Variants in CCDC80 observed in about 807,000 individuals in gnomAD.
The protein encoded by CCDC80 is coiled-coil domain containing 80, also known as coiled-coil domain-containing protein 80.
CCDC80 carries 49 observed loss-of-function variants against 78.7 expected under a neutral mutation model. That is an observed-to-expected ratio of 0.62 (90% CI 0.50 to 0.79). The LOEUF is 0.79. Among genes scored for constraint, CCDC80 ranks in the 30% least tolerant of loss-of-function variants. The probability of loss-of-function intolerance (pLI) is 0.00; values close to 1 mark genes in which losing one functional copy is unlikely to be tolerated. For missense variants in CCDC80, 1,205 were observed against 1,198.6 expected, an observed-to-expected ratio of 1.01 and a Z score of -0.08; for synonymous variants, 488 against 447.0, an observed-to-expected ratio of 1.09 and a Z score of -1.16.
rs753370087 is a variant in CCDC80, at chr3:112,638,926, C to G, written c.980G>C (p.Arg327Pro). 1.2e-6 allele frequency: 2 copies of G among 1,613,206 alleles called. No individual in the cohort carries two copies. Among genetic ancestry groups the G allele is most frequent in the Non-Finnish European group, 1.7e-6 (2 of 1,179,964 alleles). ...RAQVPPTRES[R>P]VKVLRKLAAT... ...GGCCAGTTTTCTCAGGACCTTCACC[C>G]GACTCTCTCTGGTTGGTGGGACTTG... The change falls in exon 2 of 8, where the codon CGG becomes CCG. Residue 327 changes from arginine to proline, a missense_variant. Arg to Pro is a moderately radical substitution (Grantham distance 103, BLOSUM62 -2). Coordinates refer to ENST00000206423, the MANE Select transcript of CCDC80 (RefSeq NM_199511.3).
chr3:112,610,347 A>T, intron 5 of CCDC80: 1 of 461,562 alleles, frequency 2.2e-6, no homozygotes, highest in Non-Finnish European at 4.0e-6. Flanking sequence ...ATGCCTAATG[A>T]GGTCACTTGG....
rs973043607 is a variant in CCDC80, at chr3:112,601,570, T to C, written c.*3847A>G. Reference sequence around the variant, plus strand: ...GGTGGAGCATGGCTGTGGTCCCAGCTAACTTGGGATGCTGAGGTGGGAGGA... The same window carrying C: ...GGTGGAGCATGGCTGTGGTCCCAGCCAACTTGGGATGCTGAGGTGGGAGGA... On this transcript the variant is annotated 3_prime_UTR_variant, in exon 8 of 8. Coordinates refer to ENST00000206423, the MANE Select transcript of CCDC80 (RefSeq NM_199511.3). 5.3e-5 allele frequency: 8 copies of C among 151,656 alleles called. No individual in the cohort carries two copies. Among genetic ancestry groups the C allele is most frequent in the African/African-American group, 1.7e-4 (7 of 41,114 alleles). 9.4% of individuals were successfully genotyped at this position (151,656 alleles called of 1,614,324 possible).
At chr3:112,622,912 G>A (rs1267437436) in intron 3 of CCDC80, among the ~76,000 whole-genome samples, 26 of 147,986 alleles carry the variant, frequency 1.8e-4, no homozygotes, top group African/African-American at 6.0e-4. Flanking sequence ...TTGACCTCAA[G>A]TGATTCACCC....
At chr3:112,632,838 C>T (rs1005596022) in intron 2 of CCDC80, among the ~76,000 whole-genome samples, 28 of 152,188 alleles carry the variant, frequency 1.8e-4, no homozygotes, top group African/African-American at 6.3e-4. Context: ...CGGCCCTCCA[C>T]GTTCTGGCCC....
In CCDC80 at chr3:112,605,499, T is replaced by A; in HGVS notation, c.2771A>T (p.His924Leu). The change falls in exon 8 of 8, where the codon CAT (histidine) becomes CTT (leucine). Residue 924 changes from histidine (H) to leucine (L), a missense_variant. By Grantham distance (99) the His-to-Leu change is moderately conservative. Coordinates refer to ENST00000206423, the MANE Select transcript of CCDC80 (RefSeq NM_199511.3). ...ATCCTGGTATCCTTGGTGGTAACTA[T>A]GGTAACCATAGCCTGCATACTCATC... ...PEDEYAGYGY[H>L]SYHQGYQDGY... is the part of the protein sequence containing the mutation. 6.2e-7 allele frequency: 1 copy of A among 1,614,180 alleles called. No individual in the cohort carries two copies. The highest frequency in any genetic ancestry group is 8.5e-7 in the Non-Finnish European group (1 of 1,180,030).
chr3:112,605,166 A>G lies in CCDC80; in HGVS notation c.*251T>C, dbSNP rs184395661. ...CATATAAGAAAAGGAAAATAATATC[A>G]ATTTTCAGTACTATTATTTAGCACT... On this transcript the variant is annotated 3_prime_UTR_variant, in exon 8 of 8. Coordinates refer to ENST00000206423, the MANE Select transcript of CCDC80 (RefSeq NM_199511.3). 2.8e-4 allele frequency: 95 copies of G among 341,640 alleles called. No individual in the cohort carries two copies. Among genetic ancestry groups the G allele is most frequent in the African/African-American group, 1.7e-3 (82 of 47,554 alleles). The allele number at this position is 341,640 out of a possible 1,614,324, so 21.2% of individuals were successfully genotyped here. A position where few individuals can be genotyped will look rare whatever the true frequency, so the allele number is the denominator to read the frequency against.
rs927574092 is a variant in CCDC80, at chr3:112,614,731, A to G, written c.2321+1979T>C. On this transcript the variant is annotated intron_variant, in intron 5 of 7. Transcript: ENST00000206423. ...TTTTAAGAGTATCTTCCTTTGCTTCAAATTCTAGGCCTTTAGGTTCAGAAC... is the reference window on the plus strand; with the variant it reads ...TTTTAAGAGTATCTTCCTTTGCTTCGAATTCTAGGCCTTTAGGTTCAGAAC... Among the ~76,000 whole-genome samples the G allele has an allele frequency of 3.3e-5, 5 of 152,176 alleles. No homozygotes were observed. In the East Asian group the frequency reaches 9.6e-4, roughly 29 times the overall value.
In CCDC80 at chr3:112,638,365, C is replaced by G. The variant is rs777714728; in HGVS notation, c.1541G>C (p.Arg514Pro). 7 of 1,613,954 alleles carry G rather than the reference C, an allele frequency of 4.3e-6. No individual in the cohort carries two copies. Among genetic ancestry groups the G allele is most frequent in the Non-Finnish European group, 8.5e-7 (1 of 1,180,034 alleles). The change falls in exon 2 of 8, where the codon CGG becomes CCG. Residue 514 changes from arginine (R) to proline (P), a missense_variant. Coordinates refer to ENST00000206423, the MANE Select transcript of CCDC80 (RefSeq NM_199511.3). ...NEYEEKYDLS[R>P]PTASQLEDEL... ...GTCCTCCAGCTGAGAGGCAGTAGGC[C>G]GGCTGAGGTCATACTTCTCCTCATA...
At chr3:112,624,561 T>C (rs1359526911) in intron 3 of CCDC80, among the ~76,000 whole-genome samples, 2 of 152,144 alleles carry the variant, frequency 1.3e-5, no homozygotes, top group Non-Finnish European at 2.9e-5. Flanking sequence ...ACTCTATGAG[T>C]GGGTCATTTT....
In CCDC80 at chr3:112,639,053, C is replaced by A; in HGVS notation, c.853G>T (p.Gly285Cys). 3 of 1,612,474 alleles carry A rather than the reference C, an allele frequency of 1.9e-6. No homozygotes were observed. The highest frequency in any genetic ancestry group is 2.5e-6 in the Non-Finnish European group (3 of 1,180,016). The change falls in exon 2 of 8, where the codon GGT becomes TGT. Residue 285 changes from glycine (G) to cysteine (C), a missense_variant. Gly to Cys is a radical substitution (Grantham distance 159). Coordinates refer to ENST00000206423, the MANE Select transcript of CCDC80 (RefSeq NM_199511.3). ...KGFVQKCKAS[G>C]VEGQVVAEGN... The stretch of plus-strand genomic sequence containing the variant: ...TCCGCCACCACCTGGCCCTCTACAC[C>A]AGAGGCCTTACATTTCTGGACAAAG...
chr3:112,605,192 A>T lies in CCDC80; in HGVS notation c.*225T>A. 2.3e-6 allele frequency: 1 copy of T among 435,008 alleles called. No individual in the cohort carries two copies. Among genetic ancestry groups the T allele is most frequent in the Non-Finnish European group, 4.0e-6 (1 of 248,282 alleles). The allele number at this position is 435,008 out of a possible 1,614,324, so 26.9% of individuals were successfully genotyped here. A position where few individuals can be genotyped will look rare whatever the true frequency, so the allele number is the denominator to read the frequency against. ...ATTTTCAGTACTATTATTTAGCACT[A>T]GAGCCCCTCCAGTTAGAAAAACAAT... On this transcript the variant is annotated 3_prime_UTR_variant, in exon 8 of 8. Transcript: ENST00000206423.
rs1935373120 is a variant in CCDC80 at position 112,601,485 on chromosome 3, T to C, written c.*3932A>G. ...GCTCATAAATATTACTTGACAATAT[T>C]ACTTGATAAATATTTGTTGAAAAAA... On this transcript the variant is annotated 3_prime_UTR_variant, in exon 8 of 8. Coordinates refer to ENST00000206423, the MANE Select transcript of CCDC80 (RefSeq NM_199511.3). The C allele has an allele frequency of 6.6e-6, 1 of 152,092 alleles. No individual in the cohort carries two copies. Among genetic ancestry groups the C allele is most frequent in the Non-Finnish European group, 1.5e-5 (1 of 68,026 alleles). The allele number at this position is 152,092 out of a possible 1,614,324, so 9.4% of individuals were successfully genotyped here. A position where few individuals can be genotyped will look rare whatever the true frequency, so the allele number is the denominator to read the frequency against.
chr3:112,639,735 C>T lies in CCDC80; in HGVS notation c.171G>A (p.Arg57=). Residue 57 remains arginine (R), a synonymous_variant, in exon 2 of 8, where the codon AGG becomes AGA. Coordinates refer to ENST00000206423, the MANE Select transcript of CCDC80 (RefSeq NM_199511.3). ...RPARFLRHTG[R]SRGIERSTLE... ...GAGTGGATCTCTCAATTCCGCGAGA[C>T]CTCCCAGTGTGCCTCAGAAACCGAG... 6.2e-7 allele frequency: 1 copy of T among 1,614,174 alleles called. No homozygotes were observed. The highest frequency in any genetic ancestry group is 8.5e-7 in the Non-Finnish European group (1 of 1,180,028).
intron 3 of CCDC80, among the ~76,000 whole-genome samples, chr3:112,626,863 A>T (rs1343997922): frequency 6.6e-6 from 1 of 152,186 alleles, no homozygotes; most frequent in Non-Finnish European, 1.5e-5. Flanking sequence ...TTCTCATTTT[A>T]AAAATTGACT....
chr3:112,627,476 A>G (rs187799788), intron 3 of CCDC80, among the ~76,000 whole-genome samples: 6 of 152,358 alleles, frequency 3.9e-5, no homozygotes, highest in Middle Eastern at 3.4e-3. Flanking sequence ...CCAGCTGGTG[A>G]GTACGGCCCA....
chr3:112,605,433 T>C lies in CCDC80; in HGVS notation c.2837A>G (p.His946Arg), dbSNP rs940880766. The C allele has an allele frequency of 1.9e-6, 3 of 1,612,726 alleles. No homozygotes were observed. The highest frequency in any genetic ancestry group is 2.7e-5 in the African/African-American group (2 of 74,922). ...TATTTCTGCTCAGTAAGGGTATCCA[T>C]GGTGATAACTCTCATGATGACGGTA... is the stretch of plus-strand genomic sequence containing the variant. ...DDYRHHESYH[H>R]GYPY Residue 946 changes from histidine to arginine, a missense_variant, in exon 8 of 8, where the codon CAT (histidine) becomes CGT (arginine). His to Arg is a conservative substitution (Grantham distance 29). Transcript: ENST00000206423.
chr3:112,616,713 G>A lies in CCDC80; in HGVS notation c.2318C>T (p.Ser773Phe). The change falls in exon 5 of 8, where the codon TCC becomes TTC. Residue 773 changes from serine (S) to phenylalanine (F), a missense_variant. By Grantham distance (155) the Ser-to-Phe change is radical (BLOSUM62 -2). Coordinates refer to ENST00000206423, the MANE Select transcript of CCDC80 (RefSeq NM_199511.3). ...AGCGACTCCAAAGGTGATGTACCTGGATAGGAAGTTCTCCAGGGACTGCTT... is the reference window on the plus strand; with the variant it reads ...AGCGACTCCAAAGGTGATGTACCTGAATAGGAAGTTCTCCAGGGACTGCTT... ...DKKQSLENFL[S>F]RFRWRRRLLV... is the part of the protein sequence containing the mutation. 1 of 1,614,084 alleles carries A rather than the reference G, an allele frequency of 6.2e-7. No homozygotes were observed. Among genetic ancestry groups the A allele is most frequent in the Non-Finnish European group, 8.5e-7 (1 of 1,179,974 alleles).
At chr3:112,626,443 C>CTG (rs34287490) in intron 3 of CCDC80, among the ~76,000 whole-genome samples, 37,040 of 152,060 alleles carry the variant, frequency 0.24, 5,022 homozygotes, top group Middle Eastern at 0.43. Flanking sequence ...ATCCTGATGA[C>CTG]TGAGGTTTCT....
rs1443612944 is a variant in CCDC80 at position 112,639,733 on chromosome 3, G to T, written c.173C>A (p.Ser58Tyr). The T allele has an allele frequency of 6.2e-7, 1 of 1,613,992 alleles. No homozygotes were observed. The highest frequency in any genetic ancestry group is 8.5e-7 in the Non-Finnish European group (1 of 1,180,022). The change falls in exon 2 of 8, where the codon TCT (serine) becomes TAT (tyrosine). Residue 58 changes from serine to tyrosine, a missense_variant. Coordinates refer to ENST00000206423, the MANE Select transcript of CCDC80 (RefSeq NM_199511.3). ...PARFLRHTGR[S>Y]RGIERSTLEE... ...CAGAGTGGATCTCTCAATTCCGCGAGACCTCCCAGTGTGCCTCAGAAACCG... is the reference window on the plus strand; with the variant it reads ...CAGAGTGGATCTCTCAATTCCGCGATACCTCCCAGTGTGCCTCAGAAACCG...
Sources: allele counts gnomAD v4.1 joint callset (sites outside exome capture counted in the v4.1 genomes callset), GRCh38; gene constraint gnomAD v4.1.1; transcripts MANE v1.5; gene names NCBI Gene and HGNC (gene_info 2026-07-23, HGNC 2026-07-21).